The following AGBL1 variants were observed in gnomAD, a reference collection of about 807,000 sequenced individuals.
AGBL1 encodes cytosolic carboxypeptidase 4.
In AGBL1, 130 loss-of-function variants were observed where a neutral mutation model predicts 118.9. That is an observed-to-expected ratio of 1.09 (90% CI 0.95 to 1.26). AGBL1 has a LOEUF of 1.26. AGBL1 is among the 50% of genes most tolerant of loss of function. The probability of loss-of-function intolerance (pLI) is 0.00; values close to 1 mark genes in which losing one functional copy is unlikely to be tolerated. For missense variants in AGBL1, 1,584 were observed against 1,298.1 expected (o/e 1.22, Z -3.38); for synonymous variants, 555 against 478.9 (o/e 1.16, Z -2.08).
At chr15:86,369,503 G>T (rs1165618979) in intron 17 of AGBL1, among the ~76,000 whole-genome samples, 1 of 152,082 alleles carries the variant, frequency 6.6e-6, no homozygotes, top group African/African-American at 2.4e-5. Flanking sequence ...GAAAGTAGAG[G>T]GGGAAAGGAA....
chr15:86,727,703 C>A (rs998269346), intron 22 of AGBL1, among the ~76,000 whole-genome samples: 4 of 152,104 alleles, frequency 2.6e-5, no homozygotes, highest in Admixed American at 6.6e-5. Context: ...TAGGCAGAAG[C>A]TTAATTCTGA....
intron 23 of AGBL1, among the ~76,000 whole-genome samples, chr15:86,930,273 T>C (rs2080589815): frequency 6.6e-6 from 1 of 151,968 alleles, no homozygotes; most frequent in Non-Finnish European, 1.5e-5. Context: ...AGAGTGAAAA[T>C]AAAAATCCTG....
intron 18 of AGBL1, among the ~76,000 whole-genome samples, chr15:86,429,800 C>G (rs1190312034): frequency 6.6e-6 from 1 of 152,166 alleles, no homozygotes. Context: ...ACTTATAATT[C>G]TAAGAAAGCC....
chr15:86,327,123 G>A (rs1476606892), intron 17 of AGBL1, among the ~76,000 whole-genome samples: 1 of 152,076 alleles, frequency 6.6e-6, no homozygotes, highest in African/African-American at 2.4e-5. Context: ...GGATTTCTGT[G>A]GCTTCAACCT....
At chr15:86,316,356 T>C (rs946148997) in intron 17 of AGBL1, among the ~76,000 whole-genome samples, 1 of 152,152 alleles carries the variant, frequency 6.6e-6, no homozygotes, top group South Asian at 2.1e-4. Flanking sequence ...ATTCCTCCTC[T>C]TTCTCTCCTA....
At chr15:86,665,488 A>G (rs2085628767) in intron 21 of AGBL1, among the ~76,000 whole-genome samples, 1 of 152,110 alleles carries the variant, frequency 6.6e-6, no homozygotes, top group Non-Finnish European at 1.5e-5. Context: ...TTGTTATATT[A>G]ATTTGCATTT....
chr15:86,881,526 T>C (rs923060048), intron 22 of AGBL1, among the ~76,000 whole-genome samples: 1 of 152,220 alleles, frequency 6.6e-6, no homozygotes, highest in African/African-American at 2.4e-5. Flanking sequence ...ATTTCCCTTA[T>C]TTCATTCTGT....
chr15:86,559,109 C>G (rs375038835), intron 21 of AGBL1, among the ~76,000 whole-genome samples: 2 of 152,146 alleles, frequency 1.3e-5, no homozygotes. Context: ...CCTTCTCTAC[C>G]TGTGAACCTC....
At chr15:86,676,401 C>G (rs28557768) in intron 22 of AGBL1, among the ~76,000 whole-genome samples, 3,729 of 152,008 alleles carry the variant, frequency 0.025, 154 homozygotes, top group African/African-American at 0.085. Context: ...TTCTTGACCC[C>G]AAAAATGTTC....
chr15:86,926,960 G>A (rs943375205), intron 23 of AGBL1, among the ~76,000 whole-genome samples: 3 of 151,974 alleles, frequency 2.0e-5, no homozygotes, highest in Non-Finnish European at 2.9e-5. Flanking sequence ...CCAACATAGT[G>A]TAACCCGTCT....
chr15:86,198,359 A>G (rs894469170), intron 5 of AGBL1, among the ~76,000 whole-genome samples: 2 of 152,206 alleles, frequency 1.3e-5, no homozygotes, highest in African/African-American at 4.8e-5. Context: ...GACTTAGACA[A>G]TAATTAGATG....
At chr15:86,879,324 G>C (rs555679383) in intron 22 of AGBL1, among the ~76,000 whole-genome samples, 1 of 152,264 alleles carries the variant, frequency 6.6e-6, no homozygotes, top group African/African-American at 2.4e-5. Flanking sequence ...CTCCTCTGAT[G>C]GTTATAAAGA....
intron 22 of AGBL1, among the ~76,000 whole-genome samples, chr15:86,906,053 C>A (rs1204653664): frequency 1.3e-5 from 2 of 152,174 alleles, no homozygotes; most frequent in Admixed American, 1.3e-4. Flanking sequence ...GATTCATTTC[C>A]CGATCTAACA....
chr15:86,230,190 A>C (rs188774274), intron 6 of AGBL1, among the ~76,000 whole-genome samples: 2 of 152,178 alleles, frequency 1.3e-5, no homozygotes, highest in Non-Finnish European at 2.9e-5. Flanking sequence ...GGGCATTCTA[A>C]GTGCTGAGAG....
chr15:86,666,108 G>A (rs1393328251), intron 21 of AGBL1, among the ~76,000 whole-genome samples: 2 of 152,018 alleles, frequency 1.3e-5, no homozygotes, highest in African/African-American at 2.4e-5. Context: ...ATCCCCAGTG[G>A]TGTTCTGATT....
chr15:86,276,731 T>G (rs2079258486), intron 15 of AGBL1, among the ~76,000 whole-genome samples: 1 of 152,160 alleles, frequency 6.6e-6, no homozygotes, highest in Non-Finnish European at 1.5e-5. Flanking sequence ...TGGAAAGGGC[T>G]TTCCATACAA....
At chr15:86,084,895 G>A (rs1046736216) in intron 1 of AGBL1, among the ~76,000 whole-genome samples, 2 of 151,934 alleles carry the variant, frequency 1.3e-5, no homozygotes, top group African/African-American at 2.4e-5. Flanking sequence ...CCATTCATTC[G>A]CCTAGCCATA....
chr15:86,253,528 C>T (rs1223787842), intron 7 of AGBL1, among the ~76,000 whole-genome samples: 9 of 152,060 alleles, frequency 5.9e-5, no homozygotes, highest in Non-Finnish European at 1.2e-4. Flanking sequence ...GGATTACAGG[C>T]GTGAGGCACC....
At chr15:86,466,882 G>A (rs1417381764) in intron 18 of AGBL1, among the ~76,000 whole-genome samples, 1 of 152,144 alleles carries the variant, frequency 6.6e-6, no homozygotes. Flanking sequence ...CATCCCAGAG[G>A]GGCACCCACC....
Sources: allele counts gnomAD v4.1 joint callset (sites outside exome capture counted in the v4.1 genomes callset), GRCh38; gene constraint gnomAD v4.1.1; transcripts MANE v1.5; gene names NCBI Gene and HGNC (gene_info 2026-07-23, HGNC 2026-07-21).